The following ARFGEF3 variants were observed in gnomAD, a reference collection of about 807,000 sequenced individuals.
The protein encoded by ARFGEF3 is brefeldin A-inhibited guanine nucleotide-exchange protein 3.
ARFGEF3 carries 96 observed loss-of-function variants against 221.7 expected under a neutral mutation model. The observed-to-expected ratio is 0.43, with a 90% confidence interval of 0.37 to 0.51. ARFGEF3 has a LOEUF of 0.51. ARFGEF3 is among the 20% of genes least tolerant of loss of function. ARFGEF3 has a pLI of 0.00. For synonymous variants in ARFGEF3, 1,145 were observed against 1,126.8 expected, an observed-to-expected ratio of 1.02 and a Z score of -0.32; for missense variants, 2,410 against 2,789.9, an observed-to-expected ratio of 0.86 and a Z score of 3.07.
At chr6:138,302,209 G>A (rs1779639982) in intron 22 of ARFGEF3, among the ~76,000 whole-genome samples, 1 of 151,976 alleles carries the variant, frequency 6.6e-6, no homozygotes, top group Non-Finnish European at 1.5e-5. Context: ...AAAAATTAAG[G>A]GAAAATATGA....
Position 138,255,645 on chromosome 6 carries a change from C to T in ARFGEF3, c.980C>T (p.Ala327Val), listed in dbSNP as rs1272260545. Reference protein sequence around the residue: ...PVARTIYYIAAELVRLVGSVD... With the variant: ...PVARTIYYIAVELVRLVGSVD... ...GCTCGGACTATCTATTACATCGCAG[C>T]CGAGCTGGTCCGGCTGGTGGGGTCT... Residue 327 changes from alanine (A) to valine (V), a missense_variant, in exon 10 of 34, where the codon GCC (alanine) becomes GTC (valine). By Grantham distance (64) the Ala-to-Val change is moderately conservative. Around this residue, in one of 5 missense-constraint regions of ARFGEF3, gnomAD observed 570 missense variants for 586.9 expected, o/e 0.97. Transcript: ENST00000251691. 1 of 1,613,864 alleles carries T rather than the reference C, an allele frequency of 6.2e-7. No homozygotes were observed. Among genetic ancestry groups the T allele is most frequent in the Non-Finnish European group, 8.5e-7 (1 of 1,179,856 alleles).
chr6:138,175,096 T>C (rs955625094), intron 2 of ARFGEF3, among the ~76,000 whole-genome samples: 8 of 152,170 alleles, frequency 5.3e-5, no homozygotes, highest in African/African-American at 1.9e-4. Context: ...ACATTACTTA[T>C]TTGTGCTCAA....
Position 138,215,004 on chromosome 6 carries a change from T to C in ARFGEF3, c.351+4963T>C, listed in dbSNP as rs1420171206. 3.3e-5 allele frequency among the ~76,000 whole-genome samples: 5 copies of C among 152,250 alleles called. 1 individual carries two copies. The highest frequency in any genetic ancestry group is 1.3e-4 in the Admixed American group (2 of 15,284). On this transcript the variant is annotated intron_variant, in intron 4 of 33. Coordinates refer to ENST00000251691, the MANE Select transcript of ARFGEF3 (RefSeq NM_020340.5). Reference sequence around the variant, plus strand: ...CAGAATCAGAAAGAGGCTCTGAAGATAGATTACCTTGGAAATGGATTAGTA... The same window carrying C: ...CAGAATCAGAAAGAGGCTCTGAAGACAGATTACCTTGGAAATGGATTAGTA...
intron 3 of ARFGEF3, among the ~76,000 whole-genome samples, chr6:138,208,251 C>T (rs1777659084): frequency 6.6e-6 from 1 of 152,098 alleles, no homozygotes; most frequent in South Asian, 2.1e-4. Flanking sequence ...CTTCCCTTTA[C>T]CATCCCCTGC....
chr6:138,210,003 C>T lies in ARFGEF3; in HGVS notation c.313C>T (p.Pro105Ser), dbSNP rs772861520. 1.9e-6 allele frequency: 3 copies of T among 1,613,724 alleles called. No individual in the cohort carries two copies. Among genetic ancestry groups the T allele is most frequent in the South Asian group, 2.2e-5 (2 of 91,058 alleles). The change falls in exon 4 of 34, where the codon CCT (proline) becomes TCT (serine). Residue 105 changes from proline to serine, a missense_variant. Coordinates refer to ENST00000251691, the MANE Select transcript of ARFGEF3 (RefSeq NM_020340.5). Reference protein sequence around the residue: ...NQILNAVKVTPSLNEDLQVEV... With the variant: ...NQILNAVKVTSSLNEDLQVEV... ...GATACTGAATGCCGTGAAAGTGACG[C>T]CTTCGCTCAACGAGGACCTGCAGGT...
chr6:138,308,899 A>C, intron 24 of ARFGEF3, 38 bp downstream of exon 24: 1 of 1,613,342 alleles, frequency 6.2e-7, no homozygotes, highest in Admixed American at 1.7e-5. Flanking sequence ...GTAACTGCTG[A>C]GGACCCTTTC....
chr6:138,223,093 T>C (rs1778010865), intron 4 of ARFGEF3, among the ~76,000 whole-genome samples: 1 of 152,180 alleles, frequency 6.6e-6, no homozygotes, highest in African/African-American at 2.4e-5. Context: ...TCTGTTGACA[T>C]TTCATGGTCG....
chr6:138,186,482 C>T (rs1192380509), intron 2 of ARFGEF3, among the ~76,000 whole-genome samples: 1 of 152,194 alleles, frequency 6.6e-6, no homozygotes, highest in Non-Finnish European at 1.5e-5. Flanking sequence ...GGCAGAAGGG[C>T]ACAGCCAACT....
At chr6:138,247,890 C>T (rs1225558577) in intron 8 of ARFGEF3, among the ~76,000 whole-genome samples, 1 of 152,168 alleles carries the variant, frequency 6.6e-6, no homozygotes, top group Non-Finnish European at 1.5e-5. Flanking sequence ...TAACAGGATT[C>T]ATTTTAGTAA....
At chr6:138,205,328 C>T (rs1177283734) in intron 2 of ARFGEF3, among the ~76,000 whole-genome samples, 4 of 152,110 alleles carry the variant, frequency 2.6e-5, no homozygotes, top group African/African-American at 7.2e-5. Flanking sequence ...TGCTATTATG[C>T]CCTTTCATTG....
intron 27 of ARFGEF3, among the ~76,000 whole-genome samples, 178 bp from the exon 28 acceptor site, chr6:138,319,525 A>G (rs1032153755): frequency 1.3e-5 from 2 of 150,790 alleles, no homozygotes; most frequent in Non-Finnish European, 1.5e-5. Context: ...AACCCCGCAG[A>G]AAAAAAAAGG....
At chr6:138,196,545 G>A (rs1232492258) in intron 2 of ARFGEF3, among the ~76,000 whole-genome samples, 1 of 152,218 alleles carries the variant, frequency 6.6e-6, no homozygotes. Flanking sequence ...TGCTCTGGGT[G>A]AGTCCGTGAG....
intron 12 of ARFGEF3, among the ~76,000 whole-genome samples, chr6:138,273,285 C>T (rs1270153535): frequency 1.3e-5 from 2 of 152,166 alleles, no homozygotes; most frequent in Non-Finnish European, 2.9e-5. Context: ...AAAAGAAGTA[C>T]CAAATTCTCT....
rs766161945 is a variant in ARFGEF3, at chr6:138,293,956, G to T, written c.3369-37G>T. 3 of 1,600,656 alleles carry T rather than the reference G, an allele frequency of 1.9e-6. No individual in the cohort carries two copies. The highest frequency in any genetic ancestry group is 2.3e-5 in the South Asian group (2 of 88,502). On this transcript the variant is annotated intron_variant, in intron 19 of 33. Transcript: ENST00000251691. ...TCTGCCATAAAGACCTTGCTGAATTGTTTCCAAAGAACACATCTCTTTCTG... is the reference window on the plus strand; with the variant it reads ...TCTGCCATAAAGACCTTGCTGAATTTTTTCCAAAGAACACATCTCTTTCTG...
At chr6:138,195,032 T>C (rs1401992766) in intron 2 of ARFGEF3, among the ~76,000 whole-genome samples, 1 of 129,902 alleles carries the variant, frequency 7.7e-6, no homozygotes, top group South Asian at 2.8e-4. Context: ...AGATGGAGTC[T>C]CACTCTGTCT....
chr6:138,330,826 A>C (rs1780215390), intron 32 of ARFGEF3, among the ~76,000 whole-genome samples: 1 of 152,244 alleles, frequency 6.6e-6, no homozygotes. Flanking sequence ...TGAAGCAGGA[A>C]TAAAAAGTAA....
intron 3 of ARFGEF3, among the ~76,000 whole-genome samples, chr6:138,209,458 A>G (rs1179189622): frequency 1.3e-5 from 2 of 151,924 alleles, no homozygotes; most frequent in Non-Finnish European, 2.9e-5. Context: ...ATGCAGTTTT[A>G]TTTTCTTTAG....
At chr6:138,306,022 A>G (rs1779717087) in intron 22 of ARFGEF3, among the ~76,000 whole-genome samples, 1 of 152,196 alleles carries the variant, frequency 6.6e-6, no homozygotes, top group African/African-American at 2.4e-5. Flanking sequence ...AAAGACATCA[A>G]GGTTTGAAAC....
chr6:138,197,978 T>C (rs553353047), intron 2 of ARFGEF3, among the ~76,000 whole-genome samples: 2 of 152,354 alleles, frequency 1.3e-5, no homozygotes, highest in East Asian at 1.9e-4. Context: ...AGCTGAGCTC[T>C]TTCTTAACTA....
Sources: gnomAD v4.1 joint callset for allele counts (sites outside exome capture counted in the v4.1 genomes callset) on GRCh38, gnomAD v4.1.1 for gene constraint, gnomAD v4.1.1 regional missense constraint, MANE v1.5 for transcripts, NCBI Gene and HGNC (gene_info 2026-07-23, HGNC 2026-07-21) for gene names.